The following IL31RA variants were observed in gnomAD, a reference collection of about 807,000 sequenced individuals.
IL31RA encodes interleukin-31 receptor subunit alpha.
A neutral mutation model predicts 83.7 loss-of-function variants in IL31RA; 66 were observed. The ratio of observed to expected loss-of-function variants is 0.79; its 90% CI spans 0.65 to 0.97. IL31RA has a LOEUF of 0.97. Among genes scored for constraint, IL31RA ranks in the 50% least tolerant of loss-of-function variants. The probability of loss-of-function intolerance (pLI) is 0.00; values close to 1 mark genes in which losing one functional copy is unlikely to be tolerated. For synonymous variants in IL31RA, 325 were observed against 329.0 expected (o/e 0.99, Z 0.13); for missense variants, 798 against 919.4 (o/e 0.87, Z 1.71).
intron 4 of IL31RA, among the ~76,000 whole-genome samples, chr5:55,881,716 ATTTTTTTTTTTT>A (rs34217814): frequency 5.0e-5 from 3 of 59,630 alleles, no homozygotes; most frequent in South Asian, 8.7e-4. Context: ...AGTTCCTGAG[ATTTTTTTTTTTT>A]TTTTTTTTTT....
At chr5:55,841,475 C>A in the IL31RA span, among the ~76,000 whole-genome samples, 1 of 152,222 alleles carries the variant, frequency 6.6e-6, no homozygotes, top group Non-Finnish European at 1.5e-5. Context: ...TAGGCAATGT[C>A]ATGGGCATCC....
At chr5:55,869,425 T>C (rs901346161) in intron 3 of IL31RA, among the ~76,000 whole-genome samples, 1 of 152,204 alleles carries the variant, frequency 6.6e-6, no homozygotes, top group Non-Finnish European at 1.5e-5. Context: ...TAATTTTTAA[T>C]TATTATTCTA....
intron 5 of IL31RA, among the ~76,000 whole-genome samples, chr5:55,887,866 G>A (rs1458411022): frequency 6.6e-6 from 1 of 151,350 alleles, no homozygotes; most frequent in Non-Finnish European, 1.5e-5. Flanking sequence ...CTGGGTGACA[G>A]AGCAAGACTC....
intron 8 of IL31RA, among the ~76,000 whole-genome samples, chr5:55,905,140 G>A (rs1319051254): frequency 2.7e-5 from 4 of 150,858 alleles, no homozygotes; most frequent in Admixed American, 2.0e-4. Context: ...GGTGGAGGTT[G>A]CAGTGAGCCA....
rs139938424 is a variant in IL31RA, at chr5:55,920,267, C to G, written c.*3147C>G. ...GAAAGCCTGTGCTGGCCTGTCCACC[C>G]CAGTCTGATTCTGTCCCCATTTCCA... On this transcript the variant is annotated 3_prime_UTR_variant, in exon 15 of 15. Transcript: ENST00000652347. 1.3e-5 allele frequency among the ~76,000 whole-genome samples: 2 copies of G among 152,240 alleles called. No individual in the cohort carries two copies. Among genetic ancestry groups the G allele is most frequent in the Non-Finnish European group, 2.9e-5 (2 of 68,038 alleles).
At chr5:55,898,630 A>AAC (rs1748599337) in intron 7 of IL31RA, among the ~76,000 whole-genome samples, 1 of 57,408 alleles carries the variant, frequency 1.7e-5, no homozygotes, top group African/African-American at 8.4e-5. Context: ...ATAACATATT[A>AAC]ATGTTATTTT....
intron 3 of IL31RA, among the ~76,000 whole-genome samples, chr5:55,871,617 T>G (rs1746509127): frequency 6.6e-6 from 1 of 152,180 alleles, no homozygotes; most frequent in Non-Finnish European, 1.5e-5. Flanking sequence ...TGAAAAATTA[T>G]AAAGAATGTA....
chr5:55,895,824 C>T (rs1265497804), intron 6 of IL31RA, among the ~76,000 whole-genome samples: 5 of 152,102 alleles, frequency 3.3e-5, no homozygotes, highest in African/African-American at 9.7e-5. Context: ...TTTGGGAAAA[C>T]CAGCGTTAAA....
intron 8 of IL31RA, 133 bp from the exon 9 acceptor site, chr5:55,905,973 T>C: frequency 1.2e-6 from 1 of 860,520 alleles, no homozygotes; most frequent in Non-Finnish European, 2.0e-6. Context: ...AAGAGCCCCA[T>C]CCGGGGAGGC....
At chr5:55,912,452 C>A (rs1749551187) in intron 12 of IL31RA, among the ~76,000 whole-genome samples, 1 of 152,168 alleles carries the variant, frequency 6.6e-6, no homozygotes, top group Admixed American at 6.5e-5. Flanking sequence ...TGGCTGGATC[C>A]TTCTCACTAT....
chr5:55,882,050 T>A (rs1371241536), intron 4 of IL31RA, among the ~76,000 whole-genome samples: 5 of 152,102 alleles, frequency 3.3e-5, no homozygotes, highest in African/African-American at 1.2e-4. Context: ...CAATCACCAG[T>A]TACAGGTGTT....
At chr5:55,869,011 A>G (rs886371930) in intron 3 of IL31RA, 103 bp downstream of exon 3, 5 of 780,196 alleles carry the variant, frequency 6.4e-6, no homozygotes, top group East Asian at 2.4e-5. Flanking sequence ...AGTTTCCTCA[A>G]TGACAGCTTC....
At chr5:55,854,192 A>G (rs1745221631) in intron 1 of IL31RA, among the ~76,000 whole-genome samples, 1 of 152,168 alleles carries the variant, frequency 6.6e-6, no homozygotes, top group Admixed American at 6.5e-5. Flanking sequence ...TGCCAGTCTC[A>G]CTACTGGCTG....
At chr5:55,886,250 T>A (rs997670339) in intron 5 of IL31RA, among the ~76,000 whole-genome samples, 22 of 142,142 alleles carry the variant, frequency 1.5e-4, no homozygotes, top group Non-Finnish European at 3.0e-4. Flanking sequence ...TTAGCTAGCT[T>A]GCTTGCTTGC....
chr5:55,871,491 T>C (rs1580676069), intron 3 of IL31RA, among the ~76,000 whole-genome samples: 2 of 152,182 alleles, frequency 1.3e-5, no homozygotes, highest in South Asian at 2.1e-4. Flanking sequence ...CCCACTAATA[T>C]GTGTATTTGT....
chr5:55,854,703 C>G (rs111835438), intron 1 of IL31RA, among the ~76,000 whole-genome samples: 8,061 of 151,028 alleles, frequency 0.053, 446 homozygotes, highest in African/African-American at 0.14. Context: ...CGAGACTGCA[C>G]CACTGCACTC....
intron 4 of IL31RA, among the ~76,000 whole-genome samples, chr5:55,872,930 A>C (rs1458111180): frequency 6.6e-6 from 1 of 152,142 alleles, no homozygotes; most frequent in Non-Finnish European, 1.5e-5. Flanking sequence ...ACATTATATA[A>C]ATTTCACCTT....
intron 3 of IL31RA, among the ~76,000 whole-genome samples, chr5:55,871,951 C>A (rs1746533090): frequency 6.6e-6 from 1 of 151,840 alleles, no homozygotes; most frequent in South Asian, 2.1e-4. Context: ...TTTTCAGGGA[C>A]CTACTCATGA....
In IL31RA at chr5:55,890,237, T is replaced by C. The variant is rs576185101; in HGVS notation, c.772+102T>C. The C allele has an allele frequency of 5.8e-6, 7 of 1,216,352 alleles. No individual in the cohort carries two copies. The East Asian group carries it at 1.7e-4, about 30-fold the overall frequency. 75.3% of individuals were successfully genotyped at this position (1,216,352 alleles called of 1,614,324 possible). On this transcript the variant is annotated intron_variant, in intron 6 of 14. Transcript: ENST00000652347. ...CACCACCTGGTTGGGAATCATGGAA[T>C]CTCATGACCCCAGGGGCCCCCTGTA...
Sources: gnomAD v4.1 joint callset for allele counts (sites outside exome capture counted in the v4.1 genomes callset) on GRCh38, gnomAD v4.1.1 for gene constraint, MANE v1.5 for transcripts, NCBI Gene and HGNC (gene_info 2026-07-23, HGNC 2026-07-21) for gene names.